The following ADAMTSL1 variants were observed in gnomAD, a reference collection of about 807,000 sequenced individuals.
ADAMTSL1 encodes the protein ADAMTS-like protein 1.
A neutral mutation model predicts 201.8 loss-of-function variants in ADAMTSL1; 126 were observed. The observed-to-expected ratio is 0.62, with a 90% CI of 0.54 to 0.72. The LOEUF is 0.72. Ranked by LOEUF, ADAMTSL1 falls within the 30% of genes least tolerant of loss-of-function variation. The probability of loss-of-function intolerance (pLI) is 0.00; values close to 1 mark genes in which losing one functional copy is unlikely to be tolerated. For synonymous variants in ADAMTSL1, 1,121 were observed against 903.4 expected (o/e 1.24, Z -4.32); for missense variants, 2,679 against 2,277.8 (o/e 1.18, Z -3.59).
chr9:18,805,738 T>G (rs896489984), intron 20 of ADAMTSL1, among the ~76,000 whole-genome samples: 1 of 152,206 alleles, frequency 6.6e-6, no homozygotes, highest in African/African-American at 2.4e-5. Flanking sequence ...TCTTCAGCCC[T>G]TATGAATGTA....
chr9:18,057,193 T>C (rs969091981), intron 1 of ADAMTSL1, among the ~76,000 whole-genome samples: 8 of 152,126 alleles, frequency 5.3e-5, no homozygotes, highest in African/African-American at 1.9e-4. Flanking sequence ...AGACTTTGCA[T>C]TTGCCACAAA....
chr9:18,609,356 TACCAGA>T (rs376789818), intron 4 of ADAMTSL1, among the ~76,000 whole-genome samples: 18,501 of 152,074 alleles, frequency 0.12, 1,212 homozygotes, highest in Middle Eastern at 0.2. Context: ...AACAGAACCC[TACCAGA>T]GGTCATTTCC....
chr9:17,961,168 T>C (rs1011462296), intron 1 of ADAMTSL1, among the ~76,000 whole-genome samples: 4 of 152,154 alleles, frequency 2.6e-5, no homozygotes, highest in Admixed American at 6.6e-5. Context: ...AATTACTATG[T>C]GGATTTGGAC....
intron 1 of ADAMTSL1, among the ~76,000 whole-genome samples, chr9:17,995,753 T>G (rs1238302731): frequency 6.6e-6 from 1 of 151,722 alleles, no homozygotes; most frequent in Admixed American, 6.6e-5. Context: ...GTATTTATAT[T>G]ATAGGAGTTA....
intron 1 of ADAMTSL1, among the ~76,000 whole-genome samples, chr9:18,029,709 C>G (rs1045496595): frequency 2.1e-4 from 32 of 152,090 alleles, no homozygotes; most frequent in African/African-American, 6.8e-4. Flanking sequence ...AAGAAAAAAA[C>G]AAACAACCCC....
intron 2 of ADAMTSL1, among the ~76,000 whole-genome samples, chr9:18,222,815 G>A (rs1276089914): frequency 6.6e-6 from 1 of 151,726 alleles, no homozygotes; most frequent in African/African-American, 2.4e-5. Context: ...TTCTTGAAAA[G>A]TAGTTTTCCT....
chr9:18,473,465 C>T (rs1821299817), upstream of ADAMTSL1, among the ~76,000 whole-genome samples: 1 of 152,124 alleles, frequency 6.6e-6, no homozygotes, highest in Admixed American at 6.6e-5. Context: ...TACAGAGAAG[C>T]AACTTGCTTT....
At chr9:18,811,961 TAAAG>T (rs796637101) in intron 20 of ADAMTSL1, among the ~76,000 whole-genome samples, 4 of 152,118 alleles carry the variant, frequency 2.6e-5, no homozygotes, top group African/African-American at 9.6e-5. Context: ...AGATCTAAAT[TAAAG>T]AAGATAAATA....
chr9:17,918,397 C>T (rs555838654), intron 1 of ADAMTSL1, among the ~76,000 whole-genome samples: 308 of 151,264 alleles, frequency 2.0e-3, no homozygotes, highest in African/African-American at 7.2e-3. Context: ...TGACTCATGG[C>T]TATTTAGAAA....
At chr9:18,499,992 C>G (rs528368586) in intron 1 of ADAMTSL1, among the ~76,000 whole-genome samples, 14 of 152,266 alleles carry the variant, frequency 9.2e-5, no homozygotes, top group African/African-American at 2.6e-4. Flanking sequence ...TAACTCTAGT[C>G]TTTTATTGCT....
chr9:18,765,826 T>C (rs953067814), intron 16 of ADAMTSL1, among the ~76,000 whole-genome samples: 2 of 152,184 alleles, frequency 1.3e-5, no homozygotes, highest in Non-Finnish European at 2.9e-5. Flanking sequence ...ATATGAGAGC[T>C]ATTATAAAAA....
intron 4 of ADAMTSL1, among the ~76,000 whole-genome samples, chr9:18,602,089 C>CA (rs1325762763): frequency 3.9e-5 from 6 of 152,144 alleles, no homozygotes; most frequent in African/African-American, 1.4e-4. Context: ...TAAGAAATGT[C>CA]TTCCTAGTTA....
intron 1 of ADAMTSL1, among the ~76,000 whole-genome samples, chr9:17,908,357 G>A (rs1227889558): frequency 6.6e-6 from 1 of 152,224 alleles, no homozygotes; most frequent in African/African-American, 2.4e-5. Flanking sequence ...AATCCTGGAG[G>A]GAGAGGGGAG....
intron 2 of ADAMTSL1, among the ~76,000 whole-genome samples, chr9:18,190,134 A>T (rs1375377530): frequency 6.6e-6 from 1 of 152,228 alleles, no homozygotes; most frequent in Non-Finnish European, 1.5e-5. Context: ...AAGCTCAGAA[A>T]TTCAGGGGAA....
intron 9 of ADAMTSL1, among the ~76,000 whole-genome samples, chr9:18,671,505 G>T (rs935386815): frequency 6.6e-6 from 1 of 152,180 alleles, no homozygotes; most frequent in Non-Finnish European, 1.5e-5. Context: ...GGTGAAGGTA[G>T]CCCCAGTGTA....
chr9:18,476,781 C>G (rs2131780990), intron 1 of ADAMTSL1, among the ~76,000 whole-genome samples: 1 of 152,216 alleles, frequency 6.6e-6, no homozygotes, highest in South Asian at 2.1e-4. Flanking sequence ...AACATCCTGT[C>G]TATTTTGTGG....
At chr9:17,985,911 C>T (rs1755294) in intron 1 of ADAMTSL1, among the ~76,000 whole-genome samples, 50,059 of 151,934 alleles carry the variant, frequency 0.33, 8,409 homozygotes, top group East Asian at 0.45. Flanking sequence ...TTGGCTATGA[C>T]AAGCCAGAAT....
chr9:18,806,309 C>T (rs1329668815), intron 20 of ADAMTSL1, among the ~76,000 whole-genome samples: 2 of 152,176 alleles, frequency 1.3e-5, no homozygotes, highest in Admixed American at 1.3e-4. Context: ...GCACACTTCA[C>T]GTCTGTTCAT....
chr9:18,855,322 A>G (rs1295080849), intron 23 of ADAMTSL1, among the ~76,000 whole-genome samples: 1 of 152,328 alleles, frequency 6.6e-6, no homozygotes, highest in East Asian at 1.9e-4. Flanking sequence ...ACATTTTGCC[A>G]GAACATCCCT....
Sources: gnomAD v4.1 joint callset for allele counts (sites outside exome capture counted in the v4.1 genomes callset) on GRCh38, gnomAD v4.1.1 for gene constraint, MANE v1.5 for transcripts, NCBI Gene and HGNC (gene_info 2026-07-23, HGNC 2026-07-21) for gene names.